Variants in NINL observed in about 807,000 individuals in gnomAD.
NINL encodes the protein ninein-like protein.
Under a neutral mutation model 160.3 loss-of-function variants are expected in NINL, and 153 were observed. That is an observed-to-expected ratio of 0.95 (90% confidence interval 0.84 to 1.09). The LOEUF is 1.09. Ranked by LOEUF, NINL falls within the 50% of genes least tolerant of loss-of-function variation. NINL has a pLI of 0.00. For synonymous variants in NINL, 800 were observed against 734.8 expected, an observed-to-expected ratio of 1.09 and a Z score of -1.43; for missense variants, 1,829 against 1,764.0, an observed-to-expected ratio of 1.04 and a Z score of -0.66.
intron 1 of NINL, among the ~76,000 whole-genome samples, chr20:25,559,075 A>G (rs1320727432): frequency 6.6e-6 from 1 of 152,218 alleles, no homozygotes; most frequent in Non-Finnish European, 1.5e-5. Context: ...GACTTGCACA[A>G]CTTTGCTCAA....
rs564085835 is a variant in NINL at position 25,540,807 on chromosome 20, G to A, written c.-11-14209C>T. The stretch of plus-strand genomic sequence containing the variant: ...AACCTTCACACTCCGGCAGTTCTGA[G>A]CTATTAGGATTAACTTCCGCTTTAA... On this transcript the variant is annotated intron_variant, in intron 1 of 23. Transcript: ENST00000278886. Among the ~76,000 whole-genome samples, 62 of 152,302 alleles carry A rather than the reference G, an allele frequency of 4.1e-4. 1 individual carries two copies. Among genetic ancestry groups the A allele is most frequent in the Non-Finnish European group, 7.4e-4 (50 of 68,018 alleles).
chr20:25,495,901 C>CT (rs1411851130), intron 10 of NINL, among the ~76,000 whole-genome samples: 1 of 152,210 alleles, frequency 6.6e-6, no homozygotes, highest in Non-Finnish European at 1.5e-5. Flanking sequence ...ATTCCCAGCA[C>CT]TTTGGGAGGC....
At chr20:25,473,118 C>G (rs1023008765) in intron 17 of NINL, among the ~76,000 whole-genome samples, 1 of 152,208 alleles carries the variant, frequency 6.6e-6, no homozygotes, top group Non-Finnish European at 1.5e-5. Context: ...GAAGAGTACA[C>G]ACTGCATGAT....
intron 5 of NINL, among the ~76,000 whole-genome samples, chr20:25,508,062 G>A (rs1014219679): frequency 1.2e-4 from 18 of 152,206 alleles, no homozygotes; most frequent in Admixed American, 7.2e-4. Flanking sequence ...TCTAGATCTA[G>A]ACATCAAGTT....
chr20:25,481,132 C>G (rs1326143317), intron 14 of NINL, among the ~76,000 whole-genome samples: 1 of 152,218 alleles, frequency 6.6e-6, no homozygotes, highest in South Asian at 2.1e-4. Context: ...ATTGAGTAAA[C>G]AGTTTCAGGG....
chr20:25,570,463 C>T (rs568459663), intron 1 of NINL, among the ~76,000 whole-genome samples: 1 of 152,122 alleles, frequency 6.6e-6, no homozygotes, highest in East Asian at 1.9e-4. Context: ...GTGTGAGCCA[C>T]CTCACTCCCC....
chr20:25,521,813 C>G (rs118161109), intron 2 of NINL, among the ~76,000 whole-genome samples: 1 of 152,154 alleles, frequency 6.6e-6, no homozygotes, highest in East Asian at 1.9e-4. Context: ...CTCTTTGAGG[C>G]CCCCAAGGTC....
Position 25,476,508 on chromosome 20 carries a change from G to T in NINL, c.2783C>A (p.Ala928Glu). 6.2e-7 allele frequency: 1 copy of T among 1,602,674 alleles called. No homozygotes were observed. ...IVPKEPEPFG[A>E]SAAGLEQPGA... The stretch of plus-strand genomic sequence containing the variant: ...AGGCTGCTCCAGCCCCGCTGCGCTC[G>T]CGCCGAAAGGCTCTGGCTCCTTTGG... The change falls in exon 17 of 24, where the codon GCG becomes GAG. Residue 928 changes from alanine (A) to glutamate (E), a missense_variant. Transcript: ENST00000278886.
Position 25,453,504 on chromosome 20 carries a change from G to A in NINL, c.4096C>T (p.Arg1366Cys). The A allele has an allele frequency of 5.0e-6, 8 of 1,614,012 alleles. No homozygotes were observed. The highest frequency in any genetic ancestry group is 2.2e-5 in the East Asian group (1 of 44,860). The change falls in exon 24 of 24, where the codon CGC becomes TGC. Residue 1366 changes from arginine (R) to cysteine (C), a missense_variant. Arg to Cys is a radical substitution (Grantham distance 180). Coordinates refer to ENST00000278886, the MANE Select transcript of NINL (RefSeq NM_025176.6). ...CTACTGACGAGTTTGTTGAGAGCGC[G>A]AACTTTTTCTTCCAAGAGGCGGCTT... ...KQSRLLEEKV[R>C]ALNKLVSRIA...
At chr20:25,512,180 C>T (rs1356274683) in intron 4 of NINL, among the ~76,000 whole-genome samples, 1 of 152,184 alleles carries the variant, frequency 6.6e-6, no homozygotes, top group Non-Finnish European at 1.5e-5. Flanking sequence ...TTCCAAGGCC[C>T]CAGGACGCAT....
At chr20:25,572,365 C>CA (rs2065064147) in intron 1 of NINL, among the ~76,000 whole-genome samples, 1 of 152,144 alleles carries the variant, frequency 6.6e-6, no homozygotes, top group Non-Finnish European at 1.5e-5. Context: ...TCTGAGCTGT[C>CA]AGAGCCACTG....
At chr20:25,488,453 T>C (rs1568897916) in intron 13 of NINL, among the ~76,000 whole-genome samples, 1 of 152,156 alleles carries the variant, frequency 6.6e-6, no homozygotes, top group Admixed American at 6.5e-5. Context: ...CTTGAACTCC[T>C]GACCGCATGA....
intron 1 of NINL, among the ~76,000 whole-genome samples, chr20:25,554,950 T>G (rs959647384): frequency 1.3e-5 from 2 of 152,216 alleles, no homozygotes; most frequent in Non-Finnish European, 2.9e-5. Context: ...CTTGATTGTG[T>G]GCCAATATAT....
Position 25,476,143 on chromosome 20 carries a change from C to A in NINL, c.3148G>T (p.Ala1050Ser), listed in dbSNP as rs376172486. The A allele has an allele frequency of 2.5e-6, 4 of 1,614,244 alleles. No individual in the cohort carries two copies. The African/African-American group carries it at 4.0e-5, about 16-fold the overall frequency. Residue 1050 changes from alanine to serine, a missense_variant, in exon 17 of 24, where the codon GCG becomes TCG. Ala to Ser is a moderately conservative substitution (Grantham distance 99, BLOSUM62 1). Transcript: ENST00000278886. Reference protein sequence around the residue: ...AAPEEGETKIALEREKDDMET... With the variant: ...AAPEEGETKISLEREKDDMET... ...ATGTCATCCTTCTCTCTCTCCAGCG[C>A]TATTTTGGTCTCCCCCTCTTCTGGG...
chr20:25,570,016 TA>T (rs61326896), intron 1 of NINL, among the ~76,000 whole-genome samples: 546 of 140,128 alleles, frequency 3.9e-3, no homozygotes, highest in Admixed American at 6.5e-3. Context: ...CTGTCTCCAC[TA>T]AAAAAAAAAA....
chr20:25,549,550 C>G (rs985140965), intron 1 of NINL, among the ~76,000 whole-genome samples: 7 of 152,244 alleles, frequency 4.6e-5, no homozygotes, highest in Non-Finnish European at 1.5e-5. Context: ...AGTCTCACTT[C>G]CCCTCTCCCT....
In NINL at chr20:25,470,111, G is replaced by A; in HGVS notation, c.3249-16C>T. ...GAACTCCAGTCTGCGTAAAAATTGA[G>A]AAAAGACCGGTGAGCACTTGGGGAG... is the stretch of plus-strand genomic sequence containing the variant. On this transcript the variant is annotated splice_polypyrimidine_tract_variant and intron_variant, in intron 17 of 23. Coordinates refer to ENST00000278886, the MANE Select transcript of NINL (RefSeq NM_025176.6). 6.2e-7 allele frequency: 1 copy of A among 1,606,518 alleles called. No individual in the cohort carries two copies. The highest frequency in any genetic ancestry group is 8.5e-7 in the Non-Finnish European group (1 of 1,173,474).
chr20:25,570,694 C>CTTTTTT (rs57981279), intron 1 of NINL, among the ~76,000 whole-genome samples: 14 of 91,014 alleles, frequency 1.5e-4, no homozygotes, highest in African/African-American at 2.2e-4. Context: ...GGCAAGTAGA[C>CTTTTTT]TTTTTTTTTT....
At chr20:25,515,916 A>C (rs561409253) in intron 3 of NINL, among the ~76,000 whole-genome samples, 1 of 152,172 alleles carries the variant, frequency 6.6e-6, no homozygotes, top group Admixed American at 6.5e-5. Context: ...GACAACAGGC[A>C]ACTGCCACCA....
Sources: gnomAD v4.1 joint callset for allele counts (sites outside exome capture counted in the v4.1 genomes callset) on GRCh38, gnomAD v4.1.1 for gene constraint, MANE v1.5 for transcripts, NCBI Gene and HGNC (gene_info 2026-07-23, HGNC 2026-07-21) for gene names.